The following ENSA variants were observed in gnomAD, a reference collection of about 807,000 sequenced individuals.
The protein encoded by ENSA is endosulfine alpha, also known as alpha-endosulfine.
A neutral mutation model predicts 16.8 loss-of-function variants in ENSA; 7 were observed. The observed-to-expected ratio is 0.42, with a 90% CI of 0.24 to 0.78. The LOEUF (loss-of-function observed/expected upper bound fraction) is 0.78. Ranked by LOEUF, ENSA falls within the 30% of genes least tolerant of loss-of-function variation. The pLI, the probability that ENSA is intolerant of heterozygous loss-of-function variation, is 0.29. For synonymous variants in ENSA, 58 were observed against 53.4 expected (o/e 1.09, Z -0.37); for missense variants, 87 against 142.3 (o/e 0.61, Z 1.98).
chr1:150,629,583 T>G lies in ENSA; in HGVS notation c.-113A>C. On this transcript the variant is annotated 5_prime_UTR_variant, in exon 1 of 4. Transcript: ENST00000369014. ...CTGCTTCGGCTCCTGTCACTAGGGT[T>G]GCTCAGTCAAAATGGCGGCCCTTGC... The G allele has an allele frequency of 7.2e-7, 1 of 1,379,822 alleles. No individual in the cohort carries two copies. Among genetic ancestry groups the G allele is most frequent in the Non-Finnish European group, 9.9e-7 (1 of 1,008,496 alleles). 85.5% of individuals were successfully genotyped at this position (1,379,822 alleles called of 1,614,324 possible). A position where few individuals can be genotyped will look rare whatever the true frequency, so the allele number is the denominator to read the frequency against.
intron 2 of ENSA, chr1:150,626,988 T>G: frequency 1.0e-6 from 1 of 1,003,872 alleles, no homozygotes; most frequent in Non-Finnish European, 1.2e-6. Context: ...GAAAAATACA[T>G]TTGCTGCAGG....
chr1:150,626,498 A>C (rs1021667883), intron 2 of ENSA: 1 of 1,613,700 alleles, frequency 6.2e-7, no homozygotes, highest in South Asian at 1.1e-5. Flanking sequence ...CGCACAGAGA[A>C]GCACACTCCA....
At chr1:150,629,388 G>T (rs981126455) in intron 1 of ENSA, 26 bp downstream of exon 1, 1 of 1,608,146 alleles carries the variant, frequency 6.2e-7, no homozygotes, top group African/African-American at 1.3e-5. Context: ...TCCCCAGCTC[G>T]CCCGCCCGCA....
intron 2 of ENSA, 117 bp from the exon 3 acceptor site, chr1:150,625,925 TCTTC>T: frequency 7.0e-7 from 1 of 1,429,260 alleles, no homozygotes; most frequent in Non-Finnish European, 9.2e-7. Flanking sequence ...TTTCAAGAAG[TCTTC>T]CTTGATTAAC....
chr1:150,627,571 T>A lies in ENSA; in HGVS notation c.79A>T (p.Ile27Phe). The change falls in exon 2 of 4, where the codon ATT (isoleucine) becomes TTT (phenylalanine). Residue 27 changes from isoleucine to phenylalanine, a missense_variant. Coordinates refer to ENST00000369014, the MANE Select transcript of ENSA (RefSeq NM_004436.4). ...GCCTCTTCAGCTCTCTCAGGCAGAATACCTTCTTTCTCCTGCGTGTCCTGG... is the reference window on the plus strand; with the variant it reads ...GCCTCTTCAGCTCTCTCAGGCAGAAAACCTTCTTTCTCCTGCGTGTCCTGG... ...EKQDTQEKEG[I>F]LPERAEEAKL... The A allele has an allele frequency of 4.3e-6, 7 of 1,612,160 alleles. No individual in the cohort carries two copies. The highest frequency in any genetic ancestry group is 5.9e-6 in the Non-Finnish European group (7 of 1,179,490).
chr1:150,626,336 A>C, intron 2 of ENSA: 1 of 721,920 alleles, frequency 1.4e-6, no homozygotes, highest in South Asian at 1.7e-5. Context: ...TCTGACTCTC[A>C]CAGCTCCCAC....
chr1:150,624,597 A>G, intron 3 of ENSA: 7 of 985,720 alleles, frequency 7.1e-6, no homozygotes, highest in Non-Finnish European at 8.4e-6. Context: ...GACCCTCAAG[A>G]CTGTGATATC....
chr1:150,623,190 A>G (rs1649076025), intron 3 of ENSA: 1 of 1,129,888 alleles, frequency 8.9e-7, no homozygotes, highest in East Asian at 5.7e-5. Context: ...AGGCTGTTTC[A>G]GAGGCATGGC....
At position 150,627,591 on chromosome 1, in the gene ENSA, T is replaced by C; in HGVS notation, c.59A>G (p.Asp20Gly). ...CAGAATACCTTCTTTCTCCTGCGTG[T>C]CCTGGAGAAAACAAATGAGCCAAAT... ...PAEETGEEKQ[D>G]TQEKEGILPE... The change falls in exon 2 of 4, where the codon GAC becomes GGC. Residue 20 changes from aspartate (D) to glycine (G), a missense_variant and splice_region_variant. Asp to Gly is a moderately conservative substitution (Grantham distance 94). Coordinates refer to ENST00000369014, the MANE Select transcript of ENSA (RefSeq NM_004436.4). 6.3e-7 allele frequency: 1 copy of C among 1,599,946 alleles called. No homozygotes were observed. The highest frequency in any genetic ancestry group is 1.1e-5 in the South Asian group (1 of 88,440).
intron 2 of ENSA, 57 bp downstream of exon 2, chr1:150,627,410 C>T: frequency 6.2e-7 from 1 of 1,614,244 alleles, no homozygotes; most frequent in Non-Finnish European, 8.5e-7. Flanking sequence ...CTACAGACTT[C>T]ATTCGAAGAA....
intron 3 of ENSA, 34 bp downstream of exon 3, chr1:150,625,608 T>C (rs1436961126): frequency 1.9e-6 from 3 of 1,556,350 alleles, no homozygotes; most frequent in Non-Finnish European, 2.6e-6. Flanking sequence ...CGTCCAGTGG[T>C]TGAGGAAGGG....
Position 150,626,587 on chromosome 1 carries a change from C to T in ENSA, c.184-779G>A, listed in dbSNP as rs1053637034. 8.5e-6 allele frequency: 11 copies of T among 1,297,084 alleles called. No homozygotes were observed. The East Asian group carries it at 1.7e-4, about 20-fold the overall frequency. The allele number at this position is 1,297,084 out of a possible 1,614,324, so 80.3% of individuals were successfully genotyped here. ...AAAATTTTTTTTTGAGATGGAGCCT[C>T]GCTATGTTGCCCAGGCTGGAGTGCA... On this transcript the variant is annotated intron_variant, in intron 2 of 3. Transcript: ENST00000369014.
Position 150,622,786 on chromosome 1 carries a change from G to A in ENSA, c.*58C>T. The A allele has an allele frequency of 6.5e-7, 1 of 1,545,138 alleles. No homozygotes were observed. Among genetic ancestry groups the A allele is most frequent in the African/African-American group, 1.4e-5 (1 of 72,362 alleles). On this transcript the variant is annotated 3_prime_UTR_variant, in exon 4 of 4. Coordinates refer to ENST00000369014, the MANE Select transcript of ENSA (RefSeq NM_004436.4). Reference sequence around the variant, plus strand: ...CAGGAAGGGGCAGGAGCCAGCACAGGACCCGGGTGGGGCAGGGAGGGGAAG... The same window carrying A: ...CAGGAAGGGGCAGGAGCCAGCACAGAACCCGGGTGGGGCAGGGAGGGGAAG...
At chr1:150,629,334 C>T (rs761204917) in intron 1 of ENSA, 80 bp downstream of exon 1, 10 of 1,561,548 alleles carry the variant, frequency 6.4e-6, no homozygotes, top group Non-Finnish European at 8.7e-6. Context: ...ACCATGGCGA[C>T]CAATCCGCAC....
At chr1:150,628,651 C>T (rs1256037019) in intron 1 of ENSA, among the ~76,000 whole-genome samples, 1 of 152,094 alleles carries the variant, frequency 6.6e-6, no homozygotes, top group Non-Finnish European at 1.5e-5. Context: ...TACCTGAACC[C>T]AGTACTAAAT....
At chr1:150,629,355 C>G in intron 1 of ENSA, 59 bp downstream of exon 1, 6 of 1,589,160 alleles carry the variant, frequency 3.8e-6, no homozygotes, top group Non-Finnish European at 5.1e-6. Context: ...TGGTGGGAGA[C>G]CGTCTCCCGC....
chr1:150,629,079 C>T, intron 1 of ENSA: 1 of 1,614,164 alleles, frequency 6.2e-7, no homozygotes, highest in Non-Finnish European at 8.5e-7. Context: ...ACCAATAACA[C>T]ACATCACACC....
intron 2 of ENSA, chr1:150,627,061 G>T: frequency 7.9e-7 from 1 of 1,266,018 alleles, no homozygotes. Flanking sequence ...TTCAAGTTGA[G>T]GATTTATTTC....
At position 150,622,774 on chromosome 1, in the gene ENSA, G is replaced by A. The variant is rs1012220816; in HGVS notation, c.*70C>T. On this transcript the variant is annotated 3_prime_UTR_variant, in exon 4 of 4. Transcript: ENST00000369014. ...TGGCTGCAAAAGCAGGAAGGGGCAG[G>A]AGCCAGCACAGGACCCGGGTGGGGC... 12 of 1,522,758 alleles carry A rather than the reference G, an allele frequency of 7.9e-6. No homozygotes were observed. The highest frequency in any genetic ancestry group is 1.1e-5 in the Non-Finnish European group (12 of 1,130,876). The allele number at this position is 1,522,758 out of a possible 1,614,324, so 94.3% of individuals were successfully genotyped here.
Sources: allele counts gnomAD v4.1 joint callset (sites outside exome capture counted in the v4.1 genomes callset), GRCh38; gene constraint gnomAD v4.1.1; transcripts MANE v1.5; gene names NCBI Gene and HGNC (gene_info 2026-07-23, HGNC 2026-07-21).